Variants in EIF3B observed in about 807,000 individuals in gnomAD.
EIF3B encodes the protein eukaryotic translation initiation factor 3 subunit 9.
Under a neutral mutation model 104.6 loss-of-function variants are expected in EIF3B, and 10 were observed. The observed-to-expected ratio is 0.10, with a 90% CI of 0.06 to 0.16. The LOEUF is 0.16. Among genes scored for constraint, EIF3B ranks in the 10% least tolerant of loss-of-function variants. The probability of loss-of-function intolerance (pLI) is 1.00; values close to 1 mark genes in which losing one functional copy is unlikely to be tolerated. For synonymous variants in EIF3B, 542 were observed against 417.2 expected (o/e 1.30, Z -3.65); for missense variants, 1,014 against 1,087.9 (o/e 0.93, Z 0.96).
At chr7:2,363,953 G>A (rs1779874252) in intron 5 of EIF3B, among the ~76,000 whole-genome samples, 193 bp downstream of exon 5, 1 of 152,190 alleles carries the variant, frequency 6.6e-6, no homozygotes, top group Non-Finnish European at 1.5e-5. Context: ...CAGGCTTTGT[G>A]TATTTCACTT....
intron 10 of EIF3B, among the ~76,000 whole-genome samples, chr7:2,370,795 G>T (rs1409576440): frequency 1.3e-5 from 2 of 152,146 alleles, no homozygotes; most frequent in Non-Finnish European, 2.9e-5. Flanking sequence ...TAGGAAAAAG[G>T]CCGGGCACGG....
At position 2,354,976 on chromosome 7, in the gene EIF3B, C is replaced by T. The variant is rs1779310531; in HGVS notation, c.55C>T (p.Pro19Ser). Residue 19 changes from proline to serine, a missense_variant, in exon 1 of 19, where the codon CCC becomes TCC. Coordinates refer to ENST00000360876, the MANE Select transcript of EIF3B (RefSeq NM_001037283.2). ...CGAGGCGGCCGAGGAGCGCGCCGAG[C>T]CCGGCCAGCAGCAGCCGGCCGCCGA... The part of the protein sequence containing the change: ...VPEAAEERAE[P>S]GQQQPAAEPP... The T allele has an allele frequency of 1.7e-6, 2 of 1,185,570 alleles. No individual in the cohort carries two copies. The highest frequency in any genetic ancestry group is 2.1e-6 in the Non-Finnish European group (2 of 959,302). 73.4% of individuals were successfully genotyped at this position (1,185,570 alleles called of 1,614,324 possible).
rs376161939 is a variant in EIF3B, at chr7:2,375,534, G to T, written c.2028+7G>T. On this transcript the variant is annotated splice_region_variant and intron_variant, in intron 14 of 18. Coordinates refer to ENST00000360876, the MANE Select transcript of EIF3B (RefSeq NM_001037283.2). ...GTCCTGGTGGAGCCATAAGGTGCAG[G>T]CCTGTGGGGCATAGTTTTGACTGTG... is the stretch of plus-strand genomic sequence containing the variant. 10 of 1,614,058 alleles carry T rather than the reference G, an allele frequency of 6.2e-6. No individual in the cohort carries two copies. In the African/African-American group the frequency reaches 1.1e-4, roughly 17 times the overall value.
At position 2,367,035 on chromosome 7, in the gene EIF3B, T is replaced by C; in HGVS notation, c.1393T>C (p.Ser465Pro). The C allele has an allele frequency of 6.2e-7, 1 of 1,613,462 alleles. No homozygotes were observed. The highest frequency in any genetic ancestry group is 1.1e-5 in the South Asian group (1 of 91,010). ...GLLDKKSLKISGIKDFSWSPG... is the reference protein window; with the variant it reads ...GLLDKKSLKIPGIKDFSWSPG... Reference sequence around the variant, plus strand: ...TTTGGACAAGAAGAGTTTGAAGATCTCTGGGATAAAGTGAGTATTCTTATC... The same window carrying C: ...TTTGGACAAGAAGAGTTTGAAGATCCCTGGGATAAAGTGAGTATTCTTATC... Residue 465 changes from serine to proline, a missense_variant, in exon 9 of 19, where the codon TCT becomes CCT. Physicochemically the swap from Ser to Pro is moderately conservative, Grantham distance 74. This residue lies in a region of EIF3B where 201 missense variants were observed against 240.7 expected (regional missense o/e 0.83). Coordinates refer to ENST00000360876, the MANE Select transcript of EIF3B (RefSeq NM_001037283.2).
Position 2,362,565 on chromosome 7 carries a change from G to A in EIF3B, c.693-80G>A, listed in dbSNP as rs143485749. 3.9e-4 allele frequency: 612 copies of A among 1,570,226 alleles called. No homozygotes were observed. The African/African-American group carries it at 6.9e-3, about 18-fold the overall frequency. Reference sequence around the variant, plus strand: ...TACTCCTGGCACCGAGGGCTTGTCCGTGGAGAGGGGTGGGGCGGACAGCGC... The same window carrying A: ...TACTCCTGGCACCGAGGGCTTGTCCATGGAGAGGGGTGGGGCGGACAGCGC... On this transcript the variant is annotated intron_variant, in intron 2 of 18. Transcript: ENST00000360876.
rs1780949419 is a variant in EIF3B at position 2,380,524 on chromosome 7, T to G, written c.*335T>G. The G allele has an allele frequency of 2.3e-6, 1 of 430,084 alleles. No individual in the cohort carries two copies. The highest frequency in any genetic ancestry group is 4.6e-6 in the Non-Finnish European group (1 of 215,546). The allele number at this position is 430,084 out of a possible 1,614,324, so 26.6% of individuals were successfully genotyped here. A position where few individuals can be genotyped will look rare whatever the true frequency, so the allele number is the denominator to read the frequency against. Reference sequence around the variant, plus strand: ...GGCTCCGAAGACTTAGCGACGCCACTGGCGGCACCTTCTCCTGCGCCCAGT... The same window carrying G: ...GGCTCCGAAGACTTAGCGACGCCACGGGCGGCACCTTCTCCTGCGCCCAGT... On this transcript the variant is annotated 3_prime_UTR_variant, in exon 19 of 19. Transcript: ENST00000360876.
Position 2,366,426 on chromosome 7 carries a change from T to C in EIF3B, c.1267T>C (p.Ser423Pro), listed in dbSNP as rs1405998803. The C allele has an allele frequency of 1.9e-6, 3 of 1,614,108 alleles. No homozygotes were observed. The highest frequency in any genetic ancestry group is 1.1e-5 in the South Asian group (1 of 91,058). ...GAAGAGGGGTTTTCACTGTGAGAGCTCAGCCCATTGGCCTATTTTTAAGTA... is the reference window on the plus strand; with the variant it reads ...GAAGAGGGGTTTTCACTGTGAGAGCCCAGCCCATTGGCCTATTTTTAAGTA... ...HKKRGFHCESSAHWPIFKWSH... is the reference protein window; with the variant it reads ...HKKRGFHCESPAHWPIFKWSH... Residue 423 changes from serine to proline, a missense_variant, in exon 7 of 19, where the codon TCA (serine) becomes CCA (proline). By Grantham distance (74) the Ser-to-Pro change is moderately conservative (BLOSUM62 -1). This residue lies in a region of EIF3B where 201 missense variants were observed against 240.7 expected (regional missense o/e 0.83). Transcript: ENST00000360876.
intron 9 of EIF3B, 94 bp from the exon 10 acceptor site, chr7:2,369,378 T>G: frequency 4.5e-6 from 6 of 1,332,398 alleles, no homozygotes; most frequent in Non-Finnish European, 6.4e-6. Flanking sequence ...GCATTGAGCT[T>G]CTATATAGCA....
chr7:2,370,617 T>C (rs1011661666), intron 10 of EIF3B, among the ~76,000 whole-genome samples: 3 of 152,178 alleles, frequency 2.0e-5, no homozygotes, highest in African/African-American at 7.2e-5. Context: ...TCAGTGGTTT[T>C]TCGTGTGTTC....
rs781552339 is a variant in EIF3B, at chr7:2,379,126, A to T, written c.2233-8A>T. On this transcript the variant is annotated splice_region_variant and splice_polypyrimidine_tract_variant and intron_variant, in intron 16 of 18. Coordinates refer to ENST00000360876, the MANE Select transcript of EIF3B (RefSeq NM_001037283.2). ...CCAGTTCTGTGCTTTCCCCAACCTC[A>T]TGCATAGGAATTGGTGGAGAGAAGG... The T allele has an allele frequency of 4.0e-5, 65 of 1,613,018 alleles. No individual in the cohort carries two copies. The highest frequency in any genetic ancestry group is 5.4e-5 in the Non-Finnish European group (64 of 1,179,490).
intron 12 of EIF3B, chr7:2,374,296 G>A (rs1188393536): frequency 8.9e-6 from 4 of 447,264 alleles, no homozygotes; most frequent in Non-Finnish European, 1.6e-5. Context: ...AAATAAGATA[G>A]TATTGTTTTG....
In EIF3B at chr7:2,380,241, A is replaced by G. The variant is rs557038738; in HGVS notation, c.*52A>G. Reference sequence around the variant, plus strand: ...GCCTGCTGTTCCCGCGCTGAGCTACAGGACTCCCGAGTGTGAGCCGCGGTT... The same window carrying G: ...GCCTGCTGTTCCCGCGCTGAGCTACGGGACTCCCGAGTGTGAGCCGCGGTT... On this transcript the variant is annotated 3_prime_UTR_variant, in exon 19 of 19. Transcript: ENST00000360876. 1.4e-4 allele frequency: 65 copies of G among 457,592 alleles called. No individual in the cohort carries two copies. Among genetic ancestry groups the G allele is most frequent in the African/African-American group, 1.2e-3 (62 of 50,574 alleles). The allele number at this position is 457,592 out of a possible 1,614,324, so 28.3% of individuals were successfully genotyped here. A position where few individuals can be genotyped will look rare whatever the true frequency, so the allele number is the denominator to read the frequency against.
At chr7:2,371,904 C>T in intron 11 of EIF3B, 55 bp downstream of exon 11, 3 of 1,434,840 alleles carry the variant, frequency 2.1e-6, no homozygotes, top group Non-Finnish European at 3.0e-6. Context: ...CTGTTTTACT[C>T]TTGGCTTTAA....
Position 2,369,658 on chromosome 7 carries a change from A to T in EIF3B, c.1590A>T (p.Val530=). The T allele has an allele frequency of 6.2e-7, 1 of 1,613,026 alleles. No homozygotes were observed. Among genetic ancestry groups the T allele is most frequent in the South Asian group, 1.1e-5 (1 of 91,024 alleles). Residue 530 remains valine, a synonymous_variant, in exon 10 of 19, where the codon GTA becomes GTT. Coordinates refer to ENST00000360876, the MANE Select transcript of EIF3B (RefSeq NM_001037283.2). ...ACGGAGACTACTTGTGTGTGAAAGT[A>T]GATAGGACTCCGAAAGGCACCCAGG... is the stretch of plus-strand genomic sequence containing the variant. ...QKNGDYLCVK[V]DRTPKGTQGV...
chr7:2,360,571 G>C (rs1245750942), intron 1 of EIF3B, 139 bp from the exon 2 acceptor site: 2 of 649,778 alleles, frequency 3.1e-6, no homozygotes, highest in South Asian at 2.5e-5. Flanking sequence ...AACAAGCTAG[G>C]GTTAGGATTT....
At chr7:2,375,225 T>G in intron 13 of EIF3B, 164 bp from the exon 14 acceptor site, 1 of 730,472 alleles carries the variant, frequency 1.4e-6, no homozygotes, top group Non-Finnish European at 2.3e-6. Flanking sequence ...GCATCTGTGA[T>G]TTGGTAAGTC....
At position 2,363,513 on chromosome 7, in the gene EIF3B, G is replaced by A. The variant is rs1310787800; in HGVS notation, c.871-119G>A. 5.7e-6 allele frequency: 5 copies of A among 882,148 alleles called. No individual in the cohort carries two copies. The African/African-American group carries it at 6.8e-5, about 12-fold the overall frequency. 54.6% of individuals were successfully genotyped at this position (882,148 alleles called of 1,614,324 possible). On this transcript the variant is annotated intron_variant, in intron 4 of 18. Coordinates refer to ENST00000360876, the MANE Select transcript of EIF3B (RefSeq NM_001037283.2). ...TAGACGGTGTCTTGACTTGAGGTTA[G>A]GGTGTGACTTGGGAGTTAAGATGTG...
chr7:2,378,321 GGATGCTGTGTTGTGT>G (rs2115341894), intron 15 of EIF3B: 1 of 238,632 alleles, frequency 4.2e-6, no homozygotes, highest in Admixed American at 6.1e-5. Context: ...AGCGTTCCTG[GGATGCTGTGTTGTGT>G]GAATGACCCT....
chr7:2,363,593 AATT>A (rs773461432), intron 4 of EIF3B, 36 bp from the exon 5 acceptor site: 1 of 1,561,792 alleles, frequency 6.4e-7, no homozygotes, highest in South Asian at 1.2e-5. Context: ...TTTTTATTAA[AATT>A]AATGAAATGT....
Sources: gnomAD v4.1 joint callset for allele counts (sites outside exome capture counted in the v4.1 genomes callset) on GRCh38, gnomAD v4.1.1 for gene constraint, gnomAD v4.1.1 regional missense constraint, MANE v1.5 for transcripts, NCBI Gene and HGNC (gene_info 2026-07-23, HGNC 2026-07-21) for gene names.